Variants in EYS observed in about 807,000 individuals in gnomAD.
The protein encoded by EYS is EGF-like photoreceptor maintenance factor.
Under a neutral mutation model 282.1 loss-of-function variants are expected in EYS, and 250 were observed. The ratio of observed to expected loss-of-function variants is 0.89; its 90% CI spans 0.80 to 0.98. The LOEUF is 0.98. Ranked by LOEUF, EYS falls within the 50% of genes least tolerant of loss-of-function variation. EYS has a pLI of 0.00. For missense variants in EYS, 4,016 were observed against 3,709.0 expected, an observed-to-expected ratio of 1.08 and a Z score of -2.15; for synonymous variants, 1,355 against 1,282.9, an observed-to-expected ratio of 1.06 and a Z score of -1.20.
At chr6:64,717,678 T>G (rs1447219533) in intron 22 of EYS, among the ~76,000 whole-genome samples, 1 of 152,148 alleles carries the variant, frequency 6.6e-6, no homozygotes. Flanking sequence ...CCTGCTTACT[T>G]CAAAAAGAGT....
At chr6:63,765,742 C>T (rs1173156485) in intron 40 of EYS, among the ~76,000 whole-genome samples, 29 of 151,920 alleles carry the variant, frequency 1.9e-4, no homozygotes, top group Admixed American at 1.9e-3. Context: ...AGTCCTTGCT[C>T]ATTCATTCTC....
chr6:64,115,338 C>T (rs1344896202), intron 31 of EYS, among the ~76,000 whole-genome samples: 1 of 152,132 alleles, frequency 6.6e-6, no homozygotes, highest in African/African-American at 2.4e-5. Context: ...GCTCCAAATC[C>T]CAACTCTGTG....
At chr6:63,881,612 A>G (rs1299885409) in intron 35 of EYS, among the ~76,000 whole-genome samples, 1 of 152,154 alleles carries the variant, frequency 6.6e-6, no homozygotes, top group Admixed American at 6.6e-5. Flanking sequence ...GTTTTTTTCC[A>G]GAACTTACTA....
At chr6:64,165,422 C>T (rs1266659365) in intron 31 of EYS, among the ~76,000 whole-genome samples, 1 of 151,952 alleles carries the variant, frequency 6.6e-6, no homozygotes, top group Non-Finnish European at 1.5e-5. Flanking sequence ...AAACCTTAAA[C>T]TGTTCTTTCT....
chr6:65,618,669 G>A (rs1327877868), intron 2 of EYS, among the ~76,000 whole-genome samples: 3 of 152,128 alleles, frequency 2.0e-5, no homozygotes, highest in Non-Finnish European at 4.4e-5. Context: ...TTTTCTTCTA[G>A]GGTTTTTACG....
At chr6:64,399,879 G>C (rs1219157096) in intron 28 of EYS, among the ~76,000 whole-genome samples, 1 of 151,800 alleles carries the variant, frequency 6.6e-6, no homozygotes, top group African/African-American at 2.4e-5. Flanking sequence ...AATCGGAGCT[G>C]GTCCTGATAA....
chr6:64,127,599 G>A (rs1412126086), intron 31 of EYS, among the ~76,000 whole-genome samples: 2 of 151,990 alleles, frequency 1.3e-5, no homozygotes, highest in East Asian at 3.8e-4. Flanking sequence ...CACTTGTCTT[G>A]ATGTAAAGTA....
At chr6:64,035,603 T>C (rs1770079332) in intron 33 of EYS, among the ~76,000 whole-genome samples, 1 of 152,230 alleles carries the variant, frequency 6.6e-6, no homozygotes. Context: ...AAGAATCATG[T>C]AAGATGCAAC....
At chr6:64,194,414 T>C (rs1238879708) in intron 31 of EYS, among the ~76,000 whole-genome samples, 1 of 152,214 alleles carries the variant, frequency 6.6e-6, no homozygotes, top group Non-Finnish European at 1.5e-5. Context: ...CTGTAGTTAC[T>C]ATTAATAATT....
chr6:63,991,018 T>C (rs1013234468), intron 34 of EYS, among the ~76,000 whole-genome samples: 1 of 151,696 alleles, frequency 6.6e-6, no homozygotes, highest in East Asian at 1.9e-4. Context: ...TGGCATACTC[T>C]AGAAGTCTGA....
chr6:63,925,995 C>T (rs1287758275), intron 35 of EYS, among the ~76,000 whole-genome samples: 1 of 152,144 alleles, frequency 6.6e-6, no homozygotes, highest in Non-Finnish European at 1.5e-5. Context: ...TCCTAATGCT[C>T]TCCCACCCCT....
intron 12 of EYS, among the ~76,000 whole-genome samples, chr6:65,249,400 T>G (rs668232): frequency 0.026 from 3,988 of 152,036 alleles, 167 homozygotes; most frequent in African/African-American, 0.091. Flanking sequence ...AGAACCAAAA[T>G]TTTTGAGAAA....
chr6:64,047,396 G>A (rs1233938219), intron 33 of EYS, among the ~76,000 whole-genome samples: 2 of 152,110 alleles, frequency 1.3e-5, no homozygotes, highest in African/African-American at 2.4e-5. Context: ...AAGTGTGACA[G>A]AATCTACAAA....
chr6:65,178,334 G>A (rs925021908), intron 12 of EYS, among the ~76,000 whole-genome samples: 7 of 151,862 alleles, frequency 4.6e-5, no homozygotes, highest in Non-Finnish European at 1.0e-4. Flanking sequence ...ACTGTCTTGG[G>A]TAAATTCCTT....
chr6:65,629,665 C>T (rs1766844174), intron 2 of EYS, among the ~76,000 whole-genome samples: 1 of 152,112 alleles, frequency 6.6e-6, no homozygotes, highest in South Asian at 2.1e-4. Context: ...AAAAACCCTA[C>T]CCTCAAACTC....
At chr6:64,740,117 A>G (rs1446543687) in intron 22 of EYS, among the ~76,000 whole-genome samples, 1 of 152,104 alleles carries the variant, frequency 6.6e-6, no homozygotes, top group Non-Finnish European at 1.5e-5. Flanking sequence ...AACTTTCTTC[A>G]AGCATTTAAA....
intron 19 of EYS, among the ~76,000 whole-genome samples, chr6:64,826,926 T>C (rs1378939178): frequency 6.6e-6 from 1 of 151,682 alleles, no homozygotes; most frequent in Non-Finnish European, 1.5e-5. Flanking sequence ...CTCCCTAGCC[T>C]AAAACCAAAT....
chr6:64,808,134 CT>C (rs1168597493), intron 22 of EYS, among the ~76,000 whole-genome samples: 2 of 150,900 alleles, frequency 1.3e-5, no homozygotes, highest in Non-Finnish European at 3.0e-5. Context: ...CTTCCCTTCC[CT>C]TCCTGTTTAA....
chr6:65,307,945 T>C (rs1769056775), intron 11 of EYS, among the ~76,000 whole-genome samples: 1 of 150,826 alleles, frequency 6.6e-6, no homozygotes, highest in Admixed American at 6.6e-5. Context: ...AGTGTGTTTA[T>C]TGAATAAAGA....
Sources: allele counts gnomAD v4.1 joint callset (sites outside exome capture counted in the v4.1 genomes callset), GRCh38; gene constraint gnomAD v4.1.1; transcripts MANE v1.5; gene names NCBI Gene and HGNC (gene_info 2026-07-23, HGNC 2026-07-21).